The following TENM4 variants were observed in gnomAD, a reference collection of about 807,000 sequenced individuals.
TENM4 encodes the protein teneurin-4.
Under a neutral mutation model 243.3 loss-of-function variants are expected in TENM4, and 82 were observed. That is an observed-to-expected ratio of 0.34 (90% confidence interval 0.28 to 0.40). The LOEUF (loss-of-function observed/expected upper bound fraction) is 0.40. TENM4 is among the 10% of genes least tolerant of loss of function. TENM4 has a pLI of 1.00. For missense variants in TENM4, 3,138 were observed against 3,673.3 expected, an observed-to-expected ratio of 0.85 and a Z score of 3.77; for synonymous variants, 1,412 against 1,456.3, an observed-to-expected ratio of 0.97 and a Z score of 0.69.
intron 2 of TENM4, among the ~76,000 whole-genome samples, chr11:79,284,494 C>T (rs899480150): frequency 6.6e-6 from 1 of 152,132 alleles, no homozygotes; most frequent in Non-Finnish European, 1.5e-5. Flanking sequence ...AACTGAATAT[C>T]CACATGCGAA....
At chr11:79,052,959 G>A (rs539531322) in intron 6 of TENM4, among the ~76,000 whole-genome samples, 12 of 152,306 alleles carry the variant, frequency 7.9e-5, no homozygotes, top group African/African-American at 2.6e-4. Flanking sequence ...ACACATCACC[G>A]TTCTTTGCTT....
intron 3 of TENM4, among the ~76,000 whole-genome samples, chr11:79,200,899 C>A (rs1356752146): frequency 6.6e-6 from 1 of 152,150 alleles, no homozygotes; most frequent in African/African-American, 2.4e-5. Flanking sequence ...CCAGAGTCAT[C>A]CAGGAGAGAT....
intron 6 of TENM4, among the ~76,000 whole-genome samples, chr11:79,034,254 A>G (rs1045046020): frequency 6.6e-6 from 1 of 152,242 alleles, no homozygotes; most frequent in African/African-American, 2.4e-5. Context: ...GTTAAAAACT[A>G]CCACCCTGAA....
intron 6 of TENM4, among the ~76,000 whole-genome samples, chr11:79,036,944 G>A (rs1000090138): frequency 5.0e-5 from 7 of 139,948 alleles, no homozygotes; most frequent in African/African-American, 1.1e-4. Context: ...CTGGAAGGCA[G>A]AGCTTGCAGT....
rs561437723 is a variant in TENM4 at position 79,301,835 on chromosome 11, C to T, written c.-320-4292G>A. Among the ~76,000 whole-genome samples, 20 of 152,282 alleles carry T rather than the reference C, an allele frequency of 1.3e-4. 1 individual carries two copies. In the South Asian group the frequency reaches 3.9e-3, roughly 30 times the overall value. The stretch of plus-strand genomic sequence containing the variant: ...CTCCTGCTCCAGTCATGTGAAGTAT[C>T]GGCTTCCCCTTTGCTTTCCGCCATT... On this transcript the variant is annotated intron_variant, in intron 1 of 33. Transcript: ENST00000278550.
At chr11:79,074,841 A>T (rs1431029665) in intron 4 of TENM4, among the ~76,000 whole-genome samples, 2 of 152,124 alleles carry the variant, frequency 1.3e-5, no homozygotes, top group South Asian at 4.1e-4. Context: ...CCTCCGCTTC[A>T]TACTGGGCTC....
At chr11:78,857,031 G>A (rs533694240) in intron 10 of TENM4, among the ~76,000 whole-genome samples, 1 of 152,262 alleles carries the variant, frequency 6.6e-6, no homozygotes, top group East Asian at 1.9e-4. Context: ...AGCAAGGAAG[G>A]CAGCTTATCA....
chr11:79,178,873 T>C (rs1863226198), intron 3 of TENM4, among the ~76,000 whole-genome samples: 1 of 152,262 alleles, frequency 6.6e-6, no homozygotes, highest in Non-Finnish European at 1.5e-5. Context: ...GTTCATAGGA[T>C]ACACTAATTT....
chr11:79,272,706 C>A (rs1855990403), intron 2 of TENM4, among the ~76,000 whole-genome samples: 1 of 152,064 alleles, frequency 6.6e-6, no homozygotes, highest in African/African-American at 2.4e-5. Context: ...TCCCCACCAC[C>A]CCAAACCCAC....
At chr11:78,831,690 G>A (rs938609762) in intron 12 of TENM4, among the ~76,000 whole-genome samples, 1 of 152,210 alleles carries the variant, frequency 6.6e-6, no homozygotes, top group Admixed American at 6.5e-5. Context: ...TGCAAAGGGC[G>A]TCAGCTGACA....
chr11:79,252,039 G>A (rs541209657), intron 2 of TENM4, among the ~76,000 whole-genome samples: 8 of 152,080 alleles, frequency 5.3e-5, no homozygotes, highest in African/African-American at 1.7e-4. Flanking sequence ...GAAAATGAGG[G>A]AGAGGAAACA....
intron 3 of TENM4, among the ~76,000 whole-genome samples, chr11:79,161,271 A>G (rs1230775221): frequency 3.3e-5 from 5 of 152,168 alleles, no homozygotes; most frequent in Non-Finnish European, 7.3e-5. Flanking sequence ...CTTCTTGAGG[A>G]TAAACTTCCC....
chr11:79,272,521 T>A (rs1855985479), intron 2 of TENM4, among the ~76,000 whole-genome samples: 1 of 152,334 alleles, frequency 6.6e-6, no homozygotes, highest in East Asian at 1.9e-4. Context: ...GCACATCTCG[T>A]ATTATATCTA....
At chr11:79,111,189 G>C (rs1861495187) in intron 4 of TENM4, among the ~76,000 whole-genome samples, 1 of 152,180 alleles carries the variant, frequency 6.6e-6, no homozygotes, top group African/African-American at 2.4e-5. Context: ...GGTAAGATGT[G>C]CCTTTCGCCT....
intron 1 of TENM4, among the ~76,000 whole-genome samples, chr11:79,387,580 A>G (rs964111987): frequency 2.0e-5 from 3 of 152,214 alleles, no homozygotes; most frequent in African/African-American, 7.2e-5. Flanking sequence ...ACACTTACAT[A>G]TGGAACACAC....
chr11:79,286,680 T>C (rs570823289), intron 2 of TENM4, among the ~76,000 whole-genome samples: 3 of 150,164 alleles, frequency 2.0e-5, no homozygotes, highest in Admixed American at 6.6e-5. Flanking sequence ...AAAAAAAAAA[T>C]TTTTTTTTAA....
At chr11:78,824,658 C>T (rs113206954) in intron 12 of TENM4, among the ~76,000 whole-genome samples, 58 of 147,638 alleles carry the variant, frequency 3.9e-4, no homozygotes, top group Admixed American at 1.2e-3. Flanking sequence ...CACACCACCA[C>T]GTCCGACTAA....
chr11:79,235,084 C>T (rs868599698), intron 2 of TENM4, among the ~76,000 whole-genome samples: 9 of 152,044 alleles, frequency 5.9e-5, no homozygotes, highest in Admixed American at 2.6e-4. Flanking sequence ...GAGGCTGAGG[C>T]GGGTGGATCA....
rs147937824 is a variant in TENM4 at position 79,352,579 on chromosome 11, T to C, written c.-320-55036A>G. Among the ~76,000 whole-genome samples, 6 of 152,318 alleles carry C rather than the reference T, an allele frequency of 3.9e-5. No homozygotes were observed. The East Asian group carries it at 1.2e-3, about 29-fold the overall frequency. On this transcript the variant is annotated intron_variant, in intron 1 of 33. Transcript: ENST00000278550. The stretch of plus-strand genomic sequence containing the variant: ...CCAGTTGCTGACAGAAGGATGTGCA[T>C]GACCCCCATGGAAGATTAGGAGTGG...
Sources: allele counts gnomAD v4.1 joint callset (sites outside exome capture counted in the v4.1 genomes callset), GRCh38; gene constraint gnomAD v4.1.1; transcripts MANE v1.5; gene names NCBI Gene and HGNC (gene_info 2026-07-23, HGNC 2026-07-21).